Variants in TMEM63C observed in about 807,000 individuals in gnomAD.
TMEM63C encodes the protein transmembrane protein 63C, also known as osmosensitive cation channel TMEM63C.
In TMEM63C, 32 loss-of-function variants were observed where a neutral mutation model predicts 99.2. The observed-to-expected ratio is 0.32, with a 90% CI of 0.24 to 0.43. The LOEUF is 0.43. Ranked by LOEUF, TMEM63C falls within the 20% of genes least tolerant of loss-of-function variation. The pLI, the probability that TMEM63C is intolerant of heterozygous loss-of-function variation, is 1.00. For synonymous variants in TMEM63C, 376 were observed against 397.9 expected, an observed-to-expected ratio of 0.94 and a Z score of 0.66; for missense variants, 826 against 1,053.0, an observed-to-expected ratio of 0.78 and a Z score of 2.98.
chr14:77,215,964 T>C (rs1888577268), intron 2 of TMEM63C, among the ~76,000 whole-genome samples: 1 of 152,210 alleles, frequency 6.6e-6, no homozygotes, highest in Admixed American at 6.5e-5. Context: ...TGTCATTCTC[T>C]CTGGAGCCTA....
intron 15 of TMEM63C, among the ~76,000 whole-genome samples, 173 bp downstream of exon 15, chr14:77,243,229 G>A (rs188808030): frequency 6.6e-6 from 1 of 152,170 alleles, no homozygotes; most frequent in Non-Finnish European, 1.5e-5. Context: ...TTGTTCTAAA[G>A]GGATGAAGGT....
intron 1 of TMEM63C, among the ~76,000 whole-genome samples, chr14:77,189,845 TGCCG>T (rs1888073759): frequency 6.6e-6 from 1 of 152,164 alleles, no homozygotes; most frequent in African/African-American, 2.4e-5. Flanking sequence ...GGAATACCTG[TGCCG>T]GCTCTTTGCA....
At chr14:77,199,087 C>A (rs1438962386) in intron 1 of TMEM63C, among the ~76,000 whole-genome samples, 2 of 152,080 alleles carry the variant, frequency 1.3e-5, no homozygotes, top group Non-Finnish European at 2.9e-5. Context: ...ATAAAAAACA[C>A]AGAGAAAGAA....
At chr14:77,215,110 G>A (rs1888557584) in intron 2 of TMEM63C, among the ~76,000 whole-genome samples, 1 of 152,186 alleles carries the variant, frequency 6.6e-6, no homozygotes, top group Non-Finnish European at 1.5e-5. Context: ...AAGTCTGGCT[G>A]CTCTCGTCAA....
intron 1 of TMEM63C, among the ~76,000 whole-genome samples, chr14:77,206,631 C>T (rs916870690): frequency 6.6e-6 from 1 of 151,978 alleles, no homozygotes; most frequent in African/African-American, 2.4e-5. Context: ...GAGCTCAGTC[C>T]CTCCACCCTC....
In TMEM63C at chr14:77,239,412, C is replaced by T. The variant is rs143729173; in HGVS notation, c.726C>T (p.His242=). ...TCAGCACCCATGTTTGTGGCTGCAG[C>T]GAGGCCTATCCAGGCAGTGTCGTGA... The part of the protein sequence containing the change: ...EDPELIIKHF[H]EAYPGSVVTR... Residue 242 remains histidine, a splice_region_variant and synonymous_variant, in exon 11 of 24, where the codon CAC becomes CAT. Coordinates refer to ENST00000298351, the MANE Select transcript of TMEM63C (RefSeq NM_020431.4). The T allele has an allele frequency of 1.6e-4, 259 of 1,613,504 alleles. No individual in the cohort carries two copies. The East Asian group carries it at 4.8e-3, about 30-fold the overall frequency.
At chr14:77,213,636 C>G (rs440509) in intron 2 of TMEM63C, 128 bp downstream of exon 2, 149,434 of 152,398 alleles carry the variant, frequency 0.98, 73,334 homozygotes, top group Middle Eastern at 1. Context: ...CCTTAGCTGA[C>G]CTGGAGCCCG....
chr14:77,197,988 G>A (rs11844745), intron 1 of TMEM63C, among the ~76,000 whole-genome samples: 35,049 of 152,078 alleles, frequency 0.23, 4,765 homozygotes, highest in African/African-American at 0.39. Flanking sequence ...CCCTGCATCC[G>A]CACACAAGGC....
chr14:77,193,544 A>C (rs1888145270), intron 1 of TMEM63C, among the ~76,000 whole-genome samples: 1 of 152,144 alleles, frequency 6.6e-6, no homozygotes, highest in Non-Finnish European at 1.5e-5. Flanking sequence ...AAAATTAAAA[A>C]AAAATTTAGG....
intron 6 of TMEM63C, among the ~76,000 whole-genome samples, chr14:77,228,016 TG>T (rs1167160005): frequency 6.6e-6 from 1 of 151,752 alleles, no homozygotes; most frequent in Non-Finnish European, 1.5e-5. Flanking sequence ...GGAAGAGGTG[TG>T]GGTGGACGCA....
intron 1 of TMEM63C, among the ~76,000 whole-genome samples, chr14:77,192,304 A>G (rs1237038257): frequency 6.6e-6 from 1 of 152,098 alleles, no homozygotes; most frequent in Non-Finnish European, 1.5e-5. Context: ...TGTTACCTCC[A>G]TTTTTAGATG....
chr14:77,239,641 A>G lies in TMEM63C; in HGVS notation c.845A>G (p.Lys282Arg). Residue 282 changes from lysine (K) to arginine (R), a missense_variant, in exon 12 of 24, where the codon AAG becomes AGG. Coordinates refer to ENST00000298351, the MANE Select transcript of TMEM63C (RefSeq NM_020431.4). Reference sequence around the variant, plus strand: ...CGGGGCCGGCTTTTCTATACAGCCAAGGCCAAGAAGACTGGGAAGGTGATG... The same window carrying G: ...CGGGGCCGGCTTTTCTATACAGCCAGGGCCAAGAAGACTGGGAAGGTGATG... The part of the protein sequence containing the change: ...AMRGRLFYTA[K>R]AKKTGKVMIR... The G allele has an allele frequency of 6.2e-7, 1 of 1,613,430 alleles. No individual in the cohort carries two copies. Among genetic ancestry groups the G allele is most frequent in the Non-Finnish European group, 8.5e-7 (1 of 1,179,716 alleles).
chr14:77,251,745 C>G, intron 21 of TMEM63C, 44 bp from the exon 22 acceptor site: 1 of 1,538,540 alleles, frequency 6.5e-7, no homozygotes, highest in East Asian at 2.2e-5. Context: ...GGTGGCATCT[C>G]GGCTGGCAGA....
rs927807107 is a variant in TMEM63C at position 77,236,654 on chromosome 14, G to A, written c.573G>A (p.Leu191=). 3.1e-6 allele frequency: 5 copies of A among 1,612,660 alleles called. No homozygotes were observed. Among genetic ancestry groups the A allele is most frequent in the East Asian group, 2.2e-5 (1 of 44,852 alleles). ...AGCTCCTGTGGCTGCATAGCCTGCT[G>A]TCCTTCTTCTACTTCATCACCAACT... The part of the protein sequence containing the change: ...ESKLLWLHSL[L]SFFYFITNFM... The change falls in exon 9 of 24, where the codon CTG becomes CTA. Residue 191 remains leucine (L), a synonymous_variant. Coordinates refer to ENST00000298351, the MANE Select transcript of TMEM63C (RefSeq NM_020431.4).
At chr14:77,222,600 C>T (rs1485124834) in intron 5 of TMEM63C, among the ~76,000 whole-genome samples, 1 of 152,172 alleles carries the variant, frequency 6.6e-6, no homozygotes, top group Non-Finnish European at 1.5e-5. Context: ...TCCTCCCTTA[C>T]TCCTCCCAAC....
intron 1 of TMEM63C, among the ~76,000 whole-genome samples, chr14:77,188,269 C>T (rs79318535): frequency 0.014 from 2,107 of 152,332 alleles, 37 homozygotes; most frequent in African/African-American, 0.048. Context: ...GGACTTCATC[C>T]TTTCACTTTT....
rs796381435 is a variant in TMEM63C at position 77,252,044 on chromosome 14, GTGCATGCGTGCATGCATGCGTGCA to G, written c.2148+150_2148+173del. 222 of 667,822 alleles carry G rather than the reference GTGCATGCGTGCATGCATGCGTGCA, an allele frequency of 3.3e-4. No individual in the cohort carries two copies. The African/African-American group carries it at 4.0e-3, about 12-fold the overall frequency. The allele number at this position is 667,822 out of a possible 1,614,324, so 41.4% of individuals were successfully genotyped here. On this transcript the variant is annotated intron_variant, in intron 22 of 23. Transcript: ENST00000298351. ...CTGACTGTAGAGCGTGGAGCCCAGT[GTGCATGCGTGCATGCATGCGTGCA>G]TGCCTTGCGTGCATGCGTGCATGCC...
chr14:77,192,865 G>C (rs1200231803), intron 1 of TMEM63C, among the ~76,000 whole-genome samples: 2 of 151,858 alleles, frequency 1.3e-5, no homozygotes, highest in African/African-American at 4.8e-5. Flanking sequence ...AGGAGAAGAA[G>C]AACAACAACA....
chr14:77,243,132 G>C (rs1273882188), intron 15 of TMEM63C, 76 bp downstream of exon 15: 1 of 1,559,752 alleles, frequency 6.4e-7, no homozygotes, highest in Non-Finnish European at 8.7e-7. Flanking sequence ...TGGGATGGGG[G>C]GAGCCCCCTG....
Sources: allele counts gnomAD v4.1 joint callset (sites outside exome capture counted in the v4.1 genomes callset), GRCh38; gene constraint gnomAD v4.1.1; transcripts MANE v1.5; gene names NCBI Gene and HGNC (gene_info 2026-07-23, HGNC 2026-07-21).